MYBPC3: variants seen among roughly 807,000 people sequenced by gnomAD.
MYBPC3 encodes myosin-binding protein C, cardiac-type.
In MYBPC3, 108 loss-of-function variants were observed where a neutral mutation model predicts 159.3. The observed-to-expected ratio is 0.68, with a 90% CI of 0.58 to 0.80. MYBPC3 has a LOEUF of 0.80. MYBPC3 is among the 30% of genes least tolerant of loss of function. MYBPC3 has a pLI of 0.00. For synonymous variants in MYBPC3, 730 were observed against 702.0 expected (o/e 1.04, Z -0.63); for missense variants, 1,631 against 1,762.1 (o/e 0.93, Z 1.33).
chr11:47,347,982 C>T, intron 6 of MYBPC3, 77 bp from the exon 7 acceptor site: 1 of 1,383,244 alleles, frequency 7.2e-7, no homozygotes, highest in Admixed American at 2.0e-5. Context: ...TGGGGGCGGC[C>T]TCTGAGTATT....
At chr11:47,341,911 C>T (rs1440589976) in intron 18 of MYBPC3, 80 bp downstream of exon 18, 1 of 1,516,442 alleles carries the variant, frequency 6.6e-7, no homozygotes. Context: ...CTTTATCTCT[C>T]TCTCTCTGTT....
At chr11:47,337,956 T>TC (rs2095884247) in intron 23 of MYBPC3, among the ~76,000 whole-genome samples, 162 bp from the exon 24 acceptor site, 3 of 147,962 alleles carry the variant, frequency 2.0e-5, no homozygotes, top group Non-Finnish European at 4.5e-5. Flanking sequence ...CTTTTCCTTT[T>TC]TTTTTTTTTT....
Position 47,338,741 on chromosome 11 carries a change from G to C in MYBPC3, c.2149-62C>G, listed in dbSNP as rs957424298. On this transcript the variant is annotated intron_variant, in intron 22 of 34. Coordinates refer to ENST00000545968, the MANE Select transcript of MYBPC3 (RefSeq NM_000256.3). The surrounding 1 kb of genome is among the most constrained non-coding windows in gnomAD (Gnocchi z 4.7). Reference sequence around the variant, plus strand: ...GACCCCAGAGGCCCTTGCAGCCTCCGCCAACAGCCAGATGTCCCGGGGGTC... The same window carrying C: ...GACCCCAGAGGCCCTTGCAGCCTCCCCCAACAGCCAGATGTCCCGGGGGTC... The C allele has an allele frequency of 5.3e-6, 8 of 1,507,688 alleles. No individual in the cohort carries two copies. In the East Asian group the frequency reaches 1.7e-4, roughly 31 times the overall value. The allele number at this position is 1,507,688 out of a possible 1,614,324, so 93.4% of individuals were successfully genotyped here. A position where few individuals can be genotyped will look rare whatever the true frequency, so the allele number is the denominator to read the frequency against.
intron 12 of MYBPC3, among the ~76,000 whole-genome samples, chr11:47,345,322 G>A (rs779042774): frequency 2.0e-5 from 3 of 152,218 alleles, no homozygotes; most frequent in Non-Finnish European, 2.9e-5. Context: ...GCCACCTAGC[G>A]ATGGGGTGAT....
Position 47,332,619 on chromosome 11 carries a change from C to T in MYBPC3, c.3574G>A (p.Val1192Ile), listed in dbSNP as rs1595841054. Residue 1192 changes from valine to isoleucine, a missense_variant, in exon 32 of 35, where the codon GTC (valine) becomes ATC (isoleucine). Val to Ile is a conservative substitution (Grantham distance 29). Transcript: ENST00000545968. This position sits in a 1 kb window ranked among gnomAD's most constrained non-coding sequence, Gnocchi z 4.2. ...SFTQPLVNRS[V>I]IAGYTAMLCC... is the part of the protein sequence containing the mutation. ...AGCATAGCAGTGTAGCCCGCGATGACCGAGCGGTTCACCAGGGGCTGGGTG... is the reference window on the plus strand; with the variant it reads ...AGCATAGCAGTGTAGCCCGCGATGATCGAGCGGTTCACCAGGGGCTGGGTG... 1 of 1,613,930 alleles carries T rather than the reference C, an allele frequency of 6.2e-7. No homozygotes were observed.
rs3729953 is a variant in MYBPC3, at chr11:47,337,446, G to A, written c.2547C>T (p.Val849=). 62,850 of 1,612,412 alleles carry A rather than the reference G, an allele frequency of 0.039. 1,639 individuals carry two copies. The highest frequency in any genetic ancestry group is 0.11 in the South Asian group (10,105 of 91,066). Residue 849 remains valine (V), a synonymous_variant, in exon 25 of 35, where the codon GTC becomes GTT. Transcript: ENST00000545968. ...TGGGCCTGGACATGCCGATGGCGTTGACCGCGTAGACGCGCATCTCGTACA... is the reference window on the plus strand; with the variant it reads ...TGGGCCTGGACATGCCGATGGCGTTAACCGCGTAGACGCGCATCTCGTACA... ...GVVYEMRVYA[V]NAIGMSRPSP...
chr11:47,342,922 G>A lies in MYBPC3; in HGVS notation c.1365C>T (p.Leu455=), dbSNP rs780854746. The change falls in exon 16 of 35, where the codon CTC becomes CTT. Residue 455 remains leucine (L), a synonymous_variant. Transcript: ENST00000545968. ...TELFVKEPPV[L]ITRPLEDQLV... is the part of the protein sequence containing the mutation. Reference sequence around the variant, plus strand: ...GCTGGTCCTCCAAGGGGCGCGTGATGAGCACAGGGGGCTCTGTCCAGGCAG... The same window carrying A: ...GCTGGTCCTCCAAGGGGCGCGTGATAAGCACAGGGGGCTCTGTCCAGGCAG... 10 of 1,611,634 alleles carry A rather than the reference G, an allele frequency of 6.2e-6. No individual in the cohort carries two copies. Among genetic ancestry groups the A allele is most frequent in the Non-Finnish European group, 8.5e-6 (10 of 1,178,748 alleles).
chr11:47,347,728 T>A, intron 7 of MYBPC3, 48 bp from the exon 8 acceptor site: 2 of 1,554,030 alleles, frequency 1.3e-6, no homozygotes, highest in South Asian at 1.2e-5. Flanking sequence ...AAGCTTGCTC[T>A]CCCCTGCAGC....
At chr11:47,337,870 A>G in intron 23 of MYBPC3, 76 bp from the exon 24 acceptor site, 1 of 1,225,922 alleles carries the variant, frequency 8.2e-7, no homozygotes, top group Non-Finnish European at 1.1e-6. Context: ...TCCCCTTCCC[A>G]CTCCAACTAA....
intron 26 of MYBPC3, 120 bp downstream of exon 26, chr11:47,335,756 TG>T: frequency 2.4e-6 from 2 of 819,856 alleles, no homozygotes; most frequent in Non-Finnish European, 3.5e-6. Flanking sequence ...GATATTTCTC[TG>T]GGTGTCCTCA....
rs11570051 is a variant in MYBPC3, at chr11:47,349,891, G to A, written c.537C>T (p.Ala179=). 77,448 of 1,609,356 alleles carry A rather than the reference G, an allele frequency of 0.048. 2,156 individuals are homozygous for A. Among genetic ancestry groups the A allele is most frequent in the Admixed American group, 0.081 (4,834 of 59,374 alleles). ...GGSITFSARV[A]GASLLKPPVV... Reference sequence around the variant, plus strand: ...CAGGCGGCTTCAGGAGGCTGGCGCCGGCCACGCGGGCTGAGAAGGTGATGC... The same window carrying A: ...CAGGCGGCTTCAGGAGGCTGGCGCCAGCCACGCGGGCTGAGAAGGTGATGC... The change falls in exon 5 of 35, where the codon GCC becomes GCT. Residue 179 remains alanine, a synonymous_variant. Coordinates refer to ENST00000545968, the MANE Select transcript of MYBPC3 (RefSeq NM_000256.3).
At chr11:47,348,924 A>ATATATATATATATATATATATATATT (rs2095897430) in intron 5 of MYBPC3, among the ~76,000 whole-genome samples, 1 of 129,672 alleles carries the variant, frequency 7.7e-6, no homozygotes, top group African/African-American at 2.8e-5. Flanking sequence ...ATATATATAT[A>ATATATATATATATATATATATATATT]TATTTAAAGG....
Position 47,333,968 on chromosome 11 carries a change from ATGGTC to A in MYBPC3, c.2943_2947del (p.Gln981HisfsTer68), listed in dbSNP as rs397515995. The A allele has an allele frequency of 1.3e-6, 2 of 1,585,906 alleles. No individual in the cohort carries two copies. Among genetic ancestry groups the A allele is most frequent in the Non-Finnish European group, 1.7e-6 (2 of 1,166,480 alleles). ...CACAGGCTCCCCGACCTTCTTCTGA[ATGGTC>A]TGGCGCAGGTGCCTGGGCAGCTGAA... On this transcript the variant is annotated frameshift_variant, in exon 28 of 35. Transcript: ENST00000545968. LOFTEE classifies it high-confidence loss of function.
Position 47,351,543 on chromosome 11 carries a change from G to A in MYBPC3, c.26-38C>T. The A allele has an allele frequency of 6.5e-7, 1 of 1,542,136 alleles. No individual in the cohort carries two copies. Among genetic ancestry groups the A allele is most frequent in the Non-Finnish European group, 8.8e-7 (1 of 1,140,354 alleles). Reference sequence around the variant, plus strand: ...GTGGAGGCTACAGCGGCCCCTGGTTGGAGCGTGCACCCCGCCCCTGCAGCC... The same window carrying A: ...GTGGAGGCTACAGCGGCCCCTGGTTAGAGCGTGCACCCCGCCCCTGCAGCC... On this transcript the variant is annotated intron_variant, in intron 1 of 34. Transcript: ENST00000545968. This position sits in a 1 kb window ranked among gnomAD's most constrained non-coding sequence, Gnocchi z 4.2.
chr11:47,347,122 G>A, intron 9 of MYBPC3, 93 bp from the exon 10 acceptor site: 9 of 1,278,666 alleles, frequency 7.0e-6, no homozygotes, highest in Non-Finnish European at 8.7e-6. Flanking sequence ...CGACCTGGTA[G>A]ACCCTGCAGC....
rs1253330827 is a variant in MYBPC3, at chr11:47,340,266, CACAG to C, written c.1928-480_1928-477del. Among the ~76,000 whole-genome samples the C allele has an allele frequency of 5.7e-3, 861 of 152,142 alleles. 7 individuals carry two copies. Among genetic ancestry groups the C allele is most frequent in the African/African-American group, 0.019 (802 of 41,480 alleles). ...ACAGACACACATATATACATACACA[CACAG>C]ACACATGCACACACACACACGCGCG... On this transcript the variant is annotated intron_variant, in intron 20 of 34. Transcript: ENST00000545968.
intron 8 of MYBPC3, 22 bp downstream of exon 8, chr11:47,347,629 G>T (rs984969326): frequency 1.4e-5 from 22 of 1,571,506 alleles, no homozygotes; most frequent in Non-Finnish European, 1.8e-5. Context: ...GATGGTGCAG[G>T]TAGGGCCTGG....
At chr11:47,333,490 C>A in intron 29 of MYBPC3, 67 bp downstream of exon 29, 4 of 1,585,568 alleles carry the variant, frequency 2.5e-6, no homozygotes, top group Non-Finnish European at 3.4e-6. Flanking sequence ...CTGGCCCCAC[C>A]CTTGGCCCCA....
At position 47,332,339 on chromosome 11, in the gene MYBPC3, G is replaced by A; in HGVS notation, c.3628-81C>T. ...CAGGGACCCAGGGAGACACATCTGT[G>A]TTTCTACTCGGGGGGTCCCACGAGA... On this transcript the variant is annotated intron_variant, in intron 32 of 34. Coordinates refer to ENST00000545968, the MANE Select transcript of MYBPC3 (RefSeq NM_000256.3). The surrounding 1 kb of genome is among the most constrained non-coding windows in gnomAD (Gnocchi z 4.2). 6.6e-7 allele frequency: 1 copy of A among 1,526,062 alleles called. No individual in the cohort carries two copies. Among genetic ancestry groups the A allele is most frequent in the Non-Finnish European group, 9.1e-7 (1 of 1,104,200 alleles). 94.5% of individuals were successfully genotyped at this position (1,526,062 alleles called of 1,614,324 possible). A position where few individuals can be genotyped will look rare whatever the true frequency, so the allele number is the denominator to read the frequency against.
Sources: gnomAD v4.1 joint callset for allele counts (sites outside exome capture counted in the v4.1 genomes callset) on GRCh38, gnomAD v4.1.1 for gene constraint, Gnocchi (gnomAD v3.1) non-coding constraint, MANE v1.5 for transcripts, NCBI Gene and HGNC (gene_info 2026-07-23, HGNC 2026-07-21) for gene names.